CPE: variants seen among roughly 807,000 people sequenced by gnomAD.
CPE encodes carboxypeptidase E, also known as carbocypeptidase E.
A neutral mutation model predicts 53.5 loss-of-function variants in CPE; 17 were observed. The ratio of observed to expected loss-of-function variants is 0.32; its 90% confidence interval spans 0.22 to 0.48. The LOEUF is 0.48. Ranked by LOEUF, CPE falls within the 20% of genes least tolerant of loss-of-function variation. The pLI is 0.99. For missense variants in CPE, 524 were observed against 614.7 expected (o/e 0.85, Z 1.56); for synonymous variants, 226 against 228.8 (o/e 0.99, Z 0.11).
chr4:165,464,145 G>T (rs1313242938), intron 1 of CPE, among the ~76,000 whole-genome samples: 1 of 152,130 alleles, frequency 6.6e-6, no homozygotes. Flanking sequence ...CAGTCACATT[G>T]GATGTTAGAC....
Position 165,444,225 on chromosome 4 carries a change from G to A in CPE, c.308-20165G>A, listed in dbSNP as rs1338068797. Among the ~76,000 whole-genome samples, 5 of 152,094 alleles carry A rather than the reference G, an allele frequency of 3.3e-5. No individual in the cohort carries two copies. In the East Asian group the frequency reaches 9.6e-4, roughly 29 times the overall value. Reference sequence around the variant, plus strand: ...GGAAACTGAGGCATGGAGTAACCTTGCCCAAAGTTTAACAGCTGGTAAATG... The same window carrying A: ...GGAAACTGAGGCATGGAGTAACCTTACCCAAAGTTTAACAGCTGGTAAATG... On this transcript the variant is annotated intron_variant, in intron 1 of 8. Transcript: ENST00000402744.
At chr4:165,487,969 A>T (rs932300163) in intron 6 of CPE, among the ~76,000 whole-genome samples, 4 of 152,132 alleles carry the variant, frequency 2.6e-5, no homozygotes, top group Admixed American at 2.6e-4. Context: ...AGGGGCATGC[A>T]AGTACAGGAT....
intron 1 of CPE, among the ~76,000 whole-genome samples, chr4:165,442,023 G>GTTTTTTTTTTTTTTTTTTT (rs11415472): frequency 9.3e-6 from 1 of 107,440 alleles, no homozygotes; most frequent in African/African-American, 4.0e-5. Flanking sequence ...CGGTGAGTTT[G>GTTTTTTTTTTTTTTTTTTT]TTTTTTTTTT....
At chr4:165,428,050 G>A (rs1731351502) in intron 1 of CPE, among the ~76,000 whole-genome samples, 1 of 149,836 alleles carries the variant, frequency 6.7e-6, no homozygotes, top group African/African-American at 2.5e-5. Flanking sequence ...CTTTTTTATA[G>A]ACAAGCTTTT....
chr4:165,458,356 A>G (rs1175335888), intron 1 of CPE, among the ~76,000 whole-genome samples: 4 of 152,208 alleles, frequency 2.6e-5, no homozygotes, highest in Non-Finnish European at 5.9e-5. Context: ...AGTTTATTAC[A>G]TGTACCAGGA....
At chr4:165,394,750 G>C (rs924486783) in intron 1 of CPE, among the ~76,000 whole-genome samples, 1 of 152,006 alleles carries the variant, frequency 6.6e-6, no homozygotes, top group African/African-American at 2.4e-5. Flanking sequence ...TACTTGTGCT[G>C]AAGGGGATCA....
At position 165,379,358 on chromosome 4, in the gene CPE, A is replaced by T. The variant is rs1332561464; in HGVS notation, c.137A>T (p.Glu46Val). The change falls in exon 1 of 9, where the codon GAG becomes GTG. Residue 46 changes from glutamate to valine, a missense_variant. By Grantham distance (121) the Glu-to-Val change is moderately radical (BLOSUM62 -2). Transcript: ENST00000402744. The surrounding 1 kb of genome is among the most constrained non-coding windows in gnomAD (Gnocchi z 6.0). Reference protein sequence around the residue: ...GMRRRRRLQQEDGISFEYHRY... With the variant: ...GMRRRRRLQQVDGISFEYHRY... ...AGGCGGCGCCGGCGGCTGCAGCAAG[A>T]GGACGGCATCTCCTTCGAGTACCAC... 1 of 1,598,232 alleles carries T rather than the reference A, an allele frequency of 6.3e-7. No homozygotes were observed. The highest frequency in any genetic ancestry group is 1.7e-5 in the Admixed American group (1 of 58,638).
intron 3 of CPE, among the ~76,000 whole-genome samples, chr4:165,469,114 ACT>A (rs1352029600): frequency 6.6e-6 from 1 of 152,074 alleles, no homozygotes; most frequent in East Asian, 1.9e-4. Context: ...ATTTTTTGGT[ACT>A]CTCTGTTATG....
chr4:165,399,826 C>T (rs1025412796), intron 1 of CPE, among the ~76,000 whole-genome samples: 9 of 152,040 alleles, frequency 5.9e-5, no homozygotes, highest in Admixed American at 3.3e-4. Context: ...GGATACTCAC[C>T]GAGACTTCTG....
intron 1 of CPE, among the ~76,000 whole-genome samples, chr4:165,424,909 T>C (rs72703629): frequency 0.28 from 41,418 of 146,032 alleles, 5,960 homozygotes; most frequent in Middle Eastern, 0.38. Flanking sequence ...GAGTCTAGCT[T>C]TGTCGCCCAG....
At position 165,379,188 on chromosome 4, in the gene CPE, A is replaced by C; in HGVS notation, c.-34A>C. The C allele has an allele frequency of 8.2e-7, 1 of 1,219,792 alleles. No individual in the cohort carries two copies. Among genetic ancestry groups the C allele is most frequent in the Non-Finnish European group, 1.0e-6 (1 of 981,610 alleles). 75.6% of individuals were successfully genotyped at this position (1,219,792 alleles called of 1,614,324 possible). ...GGCAGACAAAAGAGGCCGCCCGCGTAGGAAGGCACGGCCGGCGGCGGCGGA... is the reference window on the plus strand; with the variant it reads ...GGCAGACAAAAGAGGCCGCCCGCGTCGGAAGGCACGGCCGGCGGCGGCGGA... On this transcript the variant is annotated 5_prime_UTR_variant, in exon 1 of 9. Coordinates refer to ENST00000402744, the MANE Select transcript of CPE (RefSeq NM_001873.4). The surrounding 1 kb of genome is among the most constrained non-coding windows in gnomAD (Gnocchi z 6.0).
At chr4:165,464,967 G>A (rs1732072917) in intron 2 of CPE, among the ~76,000 whole-genome samples, 1 of 152,206 alleles carries the variant, frequency 6.6e-6, no homozygotes, top group Admixed American at 6.5e-5. Flanking sequence ...ATGTGGATGA[G>A]CCAGTGTCAC....
At chr4:165,394,145 A>C (rs1327029161) in intron 1 of CPE, among the ~76,000 whole-genome samples, 1 of 152,120 alleles carries the variant, frequency 6.6e-6, no homozygotes, top group Non-Finnish European at 1.5e-5. Context: ...ATGGATGGGG[A>C]CATCAGCAGA....
chr4:165,429,977 G>A (rs534557288), intron 1 of CPE, among the ~76,000 whole-genome samples: 126 of 152,196 alleles, frequency 8.3e-4, no homozygotes, highest in African/African-American at 2.8e-3. Context: ...CATGTTGGGA[G>A]AAATTCTGCA....
intron 1 of CPE, among the ~76,000 whole-genome samples, chr4:165,425,578 G>C (rs77767473): frequency 0.3 from 44,899 of 151,422 alleles, 6,710 homozygotes; most frequent in Middle Eastern, 0.39. Context: ...AAATATTTTG[G>C]CAAATTTACT....
chr4:165,465,926 G>T (rs1177246455), intron 2 of CPE, among the ~76,000 whole-genome samples: 2 of 152,034 alleles, frequency 1.3e-5, no homozygotes, highest in Non-Finnish European at 2.9e-5. Flanking sequence ...TTTGAAATAG[G>T]TCATTTATAA....
intron 3 of CPE, among the ~76,000 whole-genome samples, chr4:165,469,479 G>A (rs998596786): frequency 6.6e-6 from 1 of 152,048 alleles, no homozygotes; most frequent in African/African-American, 2.4e-5. Context: ...ACTCTTTTGT[G>A]CTCCTAAACA....
At chr4:165,472,263 A>G (rs1474441816) in intron 3 of CPE, among the ~76,000 whole-genome samples, 1 of 152,206 alleles carries the variant, frequency 6.6e-6, no homozygotes, top group Non-Finnish European at 1.5e-5. Flanking sequence ...TTCTAATGTT[A>G]CAATCTTTAA....
In CPE at chr4:165,497,759, G is replaced by T. The variant is rs999947532; in HGVS notation, c.*149G>T. On this transcript the variant is annotated 3_prime_UTR_variant, in exon 9 of 9. Transcript: ENST00000402744. Reference sequence around the variant, plus strand: ...TAATCAACTTTCCTTAAAATAAATAGCCTCTTAGGTAAAAATATAAGAACT... The same window carrying T: ...TAATCAACTTTCCTTAAAATAAATATCCTCTTAGGTAAAAATATAAGAACT... 2 of 382,874 alleles carry T rather than the reference G, an allele frequency of 5.2e-6. No individual in the cohort carries two copies. The highest frequency in any genetic ancestry group is 4.5e-5 in the Admixed American group (1 of 22,066). The allele number at this position is 382,874 out of a possible 1,614,324, so 23.7% of individuals were successfully genotyped here. A position where few individuals can be genotyped will look rare whatever the true frequency, so the allele number is the denominator to read the frequency against.
Sources: allele counts gnomAD v4.1 joint callset (sites outside exome capture counted in the v4.1 genomes callset), GRCh38; gene constraint gnomAD v4.1.1; non-coding constraint Gnocchi (gnomAD v3.1); transcripts MANE v1.5; gene names NCBI Gene and HGNC (gene_info 2026-07-23, HGNC 2026-07-21).